DOCK4: variants seen among roughly 807,000 people sequenced by gnomAD.
The protein encoded by DOCK4 is dedicator of cytokinesis 4.
A neutral mutation model predicts 268.1 loss-of-function variants in DOCK4; 97 were observed. That is an observed-to-expected ratio of 0.36 (90% CI 0.31 to 0.43). DOCK4 has a LOEUF of 0.43. Ranked by LOEUF, DOCK4 falls within the 20% of genes least tolerant of loss-of-function variation. The pLI is 1.00. For synonymous variants in DOCK4, 954 were observed against 887.2 expected, an observed-to-expected ratio of 1.08 and a Z score of -1.34; for missense variants, 2,145 against 2,455.7, an observed-to-expected ratio of 0.87 and a Z score of 2.67.
At chr7:112,149,571 C>A (rs916440743) in intron 1 of DOCK4, among the ~76,000 whole-genome samples, 1 of 122,762 alleles carries the variant, frequency 8.1e-6, no homozygotes, top group Non-Finnish European at 1.9e-5. Context: ...CCTTATTTTA[C>A]AGAAAATAAA....
At chr7:111,812,006 A>G in intron 27 of DOCK4, 57 bp from the exon 28 acceptor site, 1 of 951,316 alleles carries the variant, frequency 1.1e-6, no homozygotes, top group South Asian at 1.7e-5. Flanking sequence ...ATCATTTAGT[A>G]TACAAGAATA....
At chr7:111,975,151 C>T (rs1005343083) in intron 8 of DOCK4, among the ~76,000 whole-genome samples, 1 of 152,154 alleles carries the variant, frequency 6.6e-6, no homozygotes, top group Non-Finnish European at 1.5e-5. Flanking sequence ...TCTGTAATCC[C>T]AGCTAATTGG....
intron 10 of DOCK4, among the ~76,000 whole-genome samples, chr7:111,943,594 A>G (rs1048880468): frequency 1.3e-5 from 2 of 152,260 alleles, no homozygotes; most frequent in Non-Finnish European, 2.9e-5. Context: ...TCCTGAGAAC[A>G]GACAGGCTTT....
chr7:111,792,709 A>G (rs1370652053), intron 30 of DOCK4, among the ~76,000 whole-genome samples: 1 of 152,060 alleles, frequency 6.6e-6, no homozygotes, highest in Non-Finnish European at 1.5e-5. Flanking sequence ...AGTAACATGA[A>G]TATGAAAGAA....
In DOCK4 at chr7:111,750,568, T is replaced by TATTA. The variant is rs368125764; in HGVS notation, c.4417-3129_4417-3126dup. The stretch of plus-strand genomic sequence containing the variant: ...AGGGACTCCACCTATAATTCTGAAT[T>TATTA]ATTACTGATGTGGGGAAGAAGGACC... On this transcript the variant is annotated intron_variant, in intron 42 of 52. Coordinates refer to ENST00000428084, the MANE Select transcript of DOCK4 (RefSeq NM_001363540.2). Among the ~76,000 whole-genome samples the TATTA allele has an allele frequency of 7.3e-3, 1,116 of 152,244 alleles. 18 individuals are homozygous for TATTA. The highest frequency in any genetic ancestry group is 0.025 in the African/African-American group (1,046 of 41,546).
chr7:111,798,518 A>G (rs1800055124), intron 30 of DOCK4, among the ~76,000 whole-genome samples: 1 of 152,226 alleles, frequency 6.6e-6, no homozygotes, highest in Admixed American at 6.5e-5. Flanking sequence ...AAAAGGACCT[A>G]TTATATACAC....
At chr7:111,983,854 G>GCACACACACACACACACA (rs57739762) in intron 7 of DOCK4, among the ~76,000 whole-genome samples, 2 of 87,958 alleles carry the variant, frequency 2.3e-5, no homozygotes, top group African/African-American at 7.9e-5. Flanking sequence ...ACGCGCGCGC[G>GCACACACACACACACACA]CGCGCGCGCA....
chr7:112,153,561 T>C (rs1816304878), intron 1 of DOCK4, among the ~76,000 whole-genome samples: 1 of 152,162 alleles, frequency 6.6e-6, no homozygotes, highest in South Asian at 2.1e-4. Context: ...TCAATTTAAG[T>C]TTTCAGCTGT....
chr7:111,970,539 C>T (rs1797626629), intron 8 of DOCK4, among the ~76,000 whole-genome samples: 1 of 152,100 alleles, frequency 6.6e-6, no homozygotes. Context: ...CTCCCTTTCC[C>T]AGTAATACCC....
intron 30 of DOCK4, among the ~76,000 whole-genome samples, chr7:111,798,330 G>A (rs1373992333): frequency 3.9e-5 from 6 of 152,184 alleles, no homozygotes; most frequent in Admixed American, 1.3e-4. Flanking sequence ...TATAGCACAA[G>A]AGCCCTGAGT....
rs188921258 is a variant in DOCK4 at position 112,099,571 on chromosome 7, C to A, written c.38-95440G>T. Among the ~76,000 whole-genome samples the A allele has an allele frequency of 2.2e-3, 338 of 152,284 alleles. 2 individuals are homozygous for A. The highest frequency in any genetic ancestry group is 4.1e-3 in the Non-Finnish European group (280 of 68,024). ...AACAGTTCTGCTGACAACTCAGCAACTATCATAGCACATGGTCAGTATTCA... is the reference window on the plus strand; with the variant it reads ...AACAGTTCTGCTGACAACTCAGCAAATATCATAGCACATGGTCAGTATTCA... On this transcript the variant is annotated intron_variant, in intron 1 of 52. Coordinates refer to ENST00000428084, the MANE Select transcript of DOCK4 (RefSeq NM_001363540.2).
intron 1 of DOCK4, among the ~76,000 whole-genome samples, chr7:112,048,983 T>C (rs1282332983): frequency 1.3e-5 from 2 of 152,016 alleles, no homozygotes; most frequent in Admixed American, 6.6e-5. Context: ...TAAAAACTTA[T>C]TCAGACATAC....
At chr7:111,946,346 C>T (rs1038455631) in intron 8 of DOCK4, among the ~76,000 whole-genome samples, 17 of 152,212 alleles carry the variant, frequency 1.1e-4, no homozygotes, top group Non-Finnish European at 1.9e-4. Flanking sequence ...ACTACCCCCA[C>T]TAAACTTGCA....
rs575689816 is a variant in DOCK4, at chr7:111,745,902, G to A, written c.4677+432C>T. Among the ~76,000 whole-genome samples the A allele has an allele frequency of 8.5e-4, 130 of 152,072 alleles. 1 individual carries two copies. The highest frequency in any genetic ancestry group is 1.7e-3 in the South Asian group (8 of 4,814). On this transcript the variant is annotated intron_variant, in intron 44 of 52. Transcript: ENST00000428084. ...TGGAAAATTCCACACCCAACCTCAC[G>A]TGATGGGTTGCAGTCGAAACTTCAT...
chr7:112,129,684 CTATAAT>C (rs1000238489), intron 1 of DOCK4, among the ~76,000 whole-genome samples: 26 of 152,086 alleles, frequency 1.7e-4, no homozygotes, highest in African/African-American at 6.0e-4. Context: ...TCTTGTGAGT[CTATAAT>C]TATAATTATT....
chr7:112,020,760 T>A (rs1802251435), intron 1 of DOCK4, among the ~76,000 whole-genome samples: 1 of 151,068 alleles, frequency 6.6e-6, no homozygotes, highest in Admixed American at 6.6e-5. Flanking sequence ...GGAGCAAGAA[T>A]ATAATGAAAA....
chr7:111,760,129 AG>A, intron 40 of DOCK4, 51 bp downstream of exon 40: 1 of 1,594,302 alleles, frequency 6.3e-7, no homozygotes. Context: ...AATGCTCTGC[AG>A]CTAAGAGCCA....
chr7:112,192,676 A>G (rs983759878), intron 1 of DOCK4, among the ~76,000 whole-genome samples: 1 of 152,238 alleles, frequency 6.6e-6, no homozygotes, highest in African/African-American at 2.4e-5. Context: ...AATGTTGTTC[A>G]AAGTAAATGA....
Position 111,741,232 on chromosome 7 carries a change from A to C in DOCK4, c.4920-18T>G. On this transcript the variant is annotated intron_variant, in intron 46 of 52. Transcript: ENST00000428084. Reference sequence around the variant, plus strand: ...TTAACGGGCTGTTTCAGGGGGAAAAAAAAGGTCATTAACTCAGTCTCCAAA... The same window carrying C: ...TTAACGGGCTGTTTCAGGGGGAAAACAAAGGTCATTAACTCAGTCTCCAAA... 6.2e-7 allele frequency: 1 copy of C among 1,612,742 alleles called. No homozygotes were observed. Among genetic ancestry groups the C allele is most frequent in the Non-Finnish European group, 8.5e-7 (1 of 1,179,602 alleles).
Sources: allele counts gnomAD v4.1 joint callset (sites outside exome capture counted in the v4.1 genomes callset), GRCh38; gene constraint gnomAD v4.1.1; transcripts MANE v1.5; gene names NCBI Gene and HGNC (gene_info 2026-07-23, HGNC 2026-07-21).